The following SGMS1 variants were observed in gnomAD, a reference collection of about 807,000 sequenced individuals.
SGMS1 encodes phosphatidylcholine:ceramide cholinephosphotransferase 1.
Under a neutral mutation model 46.2 loss-of-function variants are expected in SGMS1, and 13 were observed. That is an observed-to-expected ratio of 0.28 (90% CI 0.18 to 0.45). The LOEUF is 0.45. Among genes scored for constraint, SGMS1 ranks in the 20% least tolerant of loss-of-function variants. The probability of loss-of-function intolerance (pLI) is 1.00; values close to 1 mark genes in which losing one functional copy is unlikely to be tolerated. For missense variants in SGMS1, 324 were observed against 519.9 expected (o/e 0.62, Z 3.66); for synonymous variants, 203 against 187.8 (o/e 1.08, Z -0.66).
chr10:50,353,539 T>A (rs1436129464), intron 6 of SGMS1, among the ~76,000 whole-genome samples: 3 of 152,302 alleles, frequency 2.0e-5, no homozygotes, highest in Non-Finnish European at 4.4e-5. Context: ...AAGACAGGGA[T>A]GTCCTCTCTC....
intron 2 of SGMS1, among the ~76,000 whole-genome samples, chr10:50,537,587 T>G (rs1588869314): frequency 6.6e-6 from 1 of 151,932 alleles, no homozygotes; most frequent in African/African-American, 2.4e-5. Flanking sequence ...GGTATATCTC[T>G]TAATGCTATC....
At chr10:50,490,227 T>C (rs1199352453) in intron 3 of SGMS1, among the ~76,000 whole-genome samples, 2 of 152,218 alleles carry the variant, frequency 1.3e-5, no homozygotes. Flanking sequence ...ATTAAAATGA[T>C]TTGCATTTAT....
At position 50,344,504 on chromosome 10, in the gene SGMS1, A is replaced by T. The variant is rs564148884; in HGVS notation, c.-231-159T>A. On this transcript the variant is annotated intron_variant, in intron 6 of 10. Transcript: ENST00000361781. Reference sequence around the variant, plus strand: ...TTCAGGGACTACTGATTTCCTGGTTATTAGTCTTTTGCGACACACATTGAA... The same window carrying T: ...TTCAGGGACTACTGATTTCCTGGTTTTTAGTCTTTTGCGACACACATTGAA... 9.7e-4 allele frequency among the ~76,000 whole-genome samples: 147 copies of T among 152,300 alleles called. 1 individual carries two copies. The Middle Eastern group carries it at 0.021, about 21-fold the overall frequency.
intron 2 of SGMS1, among the ~76,000 whole-genome samples, chr10:50,541,504 A>G (rs760674034): frequency 1.3e-5 from 2 of 152,222 alleles, no homozygotes; most frequent in Non-Finnish European, 2.9e-5. Flanking sequence ...CTCTGTCTTC[A>G]TGATGACTCG....
At chr10:50,622,885 G>A (rs1361819177) in intron 1 of SGMS1, among the ~76,000 whole-genome samples, 2 of 152,256 alleles carry the variant, frequency 1.3e-5, no homozygotes. Context: ...GGTGGGAGAG[G>A]CAGCCGCTGC....
chr10:50,482,459 C>A (rs1156885841), intron 3 of SGMS1, among the ~76,000 whole-genome samples: 1 of 152,118 alleles, frequency 6.6e-6, no homozygotes, highest in Non-Finnish European at 1.5e-5. Context: ...CCTTTTCAGG[C>A]ATAAGCAAAG....
rs925703772 is a variant in SGMS1, at chr10:50,494,851, A to G, written c.-498+24980T>C. ...GGAGATCGAGACCATCCCGGCTAAA[A>G]CGGTGAAACCCTGTCTCTACTAAAA... On this transcript the variant is annotated intron_variant, in intron 3 of 10. Coordinates refer to ENST00000361781, the MANE Select transcript of SGMS1 (RefSeq NM_147156.4). 2.6e-5 allele frequency among the ~76,000 whole-genome samples: 4 copies of G among 151,760 alleles called. No individual in the cohort carries two copies. In the East Asian group the frequency reaches 5.8e-4, roughly 22 times the overall value.
chr10:50,502,397 T>C (rs1837669769), intron 3 of SGMS1, among the ~76,000 whole-genome samples: 1 of 150,154 alleles, frequency 6.7e-6, no homozygotes, highest in Non-Finnish European at 1.5e-5. Context: ...CCGAGGGAAG[T>C]AAGGGAGAGG....
At chr10:50,378,155 T>A (rs1035848458) in intron 6 of SGMS1, among the ~76,000 whole-genome samples, 1 of 152,222 alleles carries the variant, frequency 6.6e-6, no homozygotes, top group Admixed American at 6.5e-5. Context: ...TCTGTATTTA[T>A]ACATTTCACT....
intron 2 of SGMS1, among the ~76,000 whole-genome samples, chr10:50,569,251 T>C (rs1317975933): frequency 4.2e-5 from 6 of 143,834 alleles, no homozygotes; most frequent in Non-Finnish European, 3.0e-5. Context: ...TGTATACCTG[T>C]GTAACAAACC....
intron 6 of SGMS1, among the ~76,000 whole-genome samples, chr10:50,414,127 C>G (rs1350086904): frequency 3.3e-5 from 5 of 152,196 alleles, no homozygotes; most frequent in African/African-American, 9.6e-5. Flanking sequence ...CAGCCAGGCA[C>G]AGTGGTTCAC....
intron 3 of SGMS1, among the ~76,000 whole-genome samples, chr10:50,497,236 T>G (rs1837622788): frequency 6.6e-6 from 1 of 152,232 alleles, no homozygotes. Flanking sequence ...ATTTTCAAAC[T>G]TACAAAGTTG....
At chr10:50,587,011 T>TG (rs1485054644) in intron 2 of SGMS1, among the ~76,000 whole-genome samples, 29 of 152,206 alleles carry the variant, frequency 1.9e-4, no homozygotes, top group Middle Eastern at 3.2e-3. Flanking sequence ...GAATCTAATA[T>TG]GTTGTTGAAT....
intron 1 of SGMS1, among the ~76,000 whole-genome samples, chr10:50,608,453 G>C (rs1167165091): frequency 6.6e-6 from 1 of 152,118 alleles, no homozygotes; most frequent in Non-Finnish European, 1.5e-5. Context: ...AGCAGCCTTG[G>C]GCGGTCAGCA....
intron 6 of SGMS1, among the ~76,000 whole-genome samples, chr10:50,355,958 C>T (rs540999779): frequency 2.6e-5 from 4 of 152,014 alleles, no homozygotes; most frequent in South Asian, 4.2e-4. Context: ...CATCTCTGAC[C>T]GGCCGCCCCG....
At chr10:50,433,213 C>T (rs1849427711) in intron 6 of SGMS1, among the ~76,000 whole-genome samples, 1 of 152,134 alleles carries the variant, frequency 6.6e-6, no homozygotes, top group Non-Finnish European at 1.5e-5. Context: ...AGGGAATTCT[C>T]TTAATTCTTC....
Position 50,488,028 on chromosome 10 carries a change from T to TTGATTG in SGMS1, c.-497-21097_-497-21096insCAATCA, listed in dbSNP as rs1564926600. 5.0e-3 allele frequency among the ~76,000 whole-genome samples: 692 copies of TTGATTG among 137,406 alleles called. 5 individuals carry two copies. Among genetic ancestry groups the TTGATTG allele is most frequent in the African/African-American group, 0.017 (667 of 38,784 alleles). The allele number at this position is 137,406 out of a possible 152,430, so 90.1% of individuals were successfully genotyped here. A position where few individuals can be genotyped will look rare whatever the true frequency, so the allele number is the denominator to read the frequency against. ...TTATTTATTTATTTATTTATTTATTTATTGAGACTGAGTCTCACTCTATTG... is the reference window on the plus strand; with the variant it reads ...TTATTTATTTATTTATTTATTTATTTTGATTGATTGAGACTGAGTCTCACTCTATTG... On this transcript the variant is annotated intron_variant, in intron 3 of 10. Coordinates refer to ENST00000361781, the MANE Select transcript of SGMS1 (RefSeq NM_147156.4).
chr10:50,461,429 T>A (rs186436937), intron 4 of SGMS1, among the ~76,000 whole-genome samples: 121 of 152,318 alleles, frequency 7.9e-4, no homozygotes, highest in Non-Finnish European at 1.5e-4. Context: ...TTTGTAGTAA[T>A]TTGTACTTAT....
At chr10:50,349,263 G>T (rs1481572783) in intron 6 of SGMS1, among the ~76,000 whole-genome samples, 2 of 152,178 alleles carry the variant, frequency 1.3e-5, no homozygotes, top group Non-Finnish European at 1.5e-5. Flanking sequence ...TCTTCCTTTA[G>T]TCTTTAAGGT....
Sources: allele counts gnomAD v4.1 joint callset (sites outside exome capture counted in the v4.1 genomes callset), GRCh38; gene constraint gnomAD v4.1.1; transcripts MANE v1.5; gene names NCBI Gene and HGNC (gene_info 2026-07-23, HGNC 2026-07-21).